CNOT1: variants seen among roughly 807,000 people sequenced by gnomAD.
The protein encoded by CNOT1 is CCR4-NOT transcription complex subunit 1, also known as CCR4-associated factor 1.
A neutral mutation model predicts 273.8 loss-of-function variants in CNOT1; 15 were observed. The observed-to-expected ratio is 0.05, with a 90% CI of 0.04 to 0.08. The LOEUF is 0.08. Ranked by LOEUF, CNOT1 falls within the 10% of genes least tolerant of loss-of-function variation. The pLI is 1.00. For synonymous variants in CNOT1, 1,022 were observed against 1,005.5 expected (o/e 1.02, Z -0.31); for missense variants, 1,644 against 2,912.2 (o/e 0.56, Z 10.02).
At chr16:58,629,639 G>C (rs1296379874) in intron 1 of CNOT1, 89 bp downstream of exon 1, 2 of 152,776 alleles carry the variant, frequency 1.3e-5, no homozygotes, top group African/African-American at 4.8e-5. Flanking sequence ...GTGGCCCCAG[G>C]TCCACCCCTG....
chr16:58,606,540 C>T (rs117153988), intron 1 of CNOT1, among the ~76,000 whole-genome samples: 1,697 of 152,276 alleles, frequency 0.011, 15 homozygotes, highest in Non-Finnish European at 0.016. Flanking sequence ...CACCGGCTCA[C>T]GCCTGTAATC....
At chr16:58,616,990 T>C (rs535794096) in intron 1 of CNOT1, among the ~76,000 whole-genome samples, 13 of 152,316 alleles carry the variant, frequency 8.5e-5, no homozygotes, top group Non-Finnish European at 1.8e-4. Context: ...AGAGCAGTAG[T>C]ATCTCCAAAA....
At chr16:58,619,100 C>CT (rs1331839001) in intron 1 of CNOT1, among the ~76,000 whole-genome samples, 1 of 151,990 alleles carries the variant, frequency 6.6e-6, no homozygotes, top group Non-Finnish European at 1.5e-5. Flanking sequence ...ACTGGGGAGA[C>CT]TGAGGTGGGA....
At chr16:58,599,999 G>A (rs1254949701) in intron 1 of CNOT1, among the ~76,000 whole-genome samples, 1 of 151,736 alleles carries the variant, frequency 6.6e-6, no homozygotes, top group Non-Finnish European at 1.5e-5. Context: ...GGAGGCAGAG[G>A]GTGCAGTCAG....
At position 58,520,715 on chromosome 16, in the gene CNOT1, C is replaced by T. The variant is rs2039339662; in HGVS notation, c.*243G>A. The T allele has an allele frequency of 5.6e-6, 3 of 532,194 alleles. No homozygotes were observed. The highest frequency in any genetic ancestry group is 6.3e-5 in the East Asian group (2 of 31,650). 33.0% of individuals were successfully genotyped at this position (532,194 alleles called of 1,614,324 possible). On this transcript the variant is annotated 3_prime_UTR_variant, in exon 49 of 49. Transcript: ENST00000317147. ...AAAGGTTTTCTCTTTCATGTATTTACACAAGTTCAAAATGATATTCACAGC... is the reference window on the plus strand; with the variant it reads ...AAAGGTTTTCTCTTTCATGTATTTATACAAGTTCAAAATGATATTCACAGC...
chr16:58,579,339 G>A (rs11860087), intron 12 of CNOT1, among the ~76,000 whole-genome samples: 35,193 of 152,022 alleles, frequency 0.23, 4,461 homozygotes, highest in African/African-American at 0.34. Context: ...TATGGACTGC[G>A]TCTGGATTCT....
At chr16:58,570,281 G>T (rs1157434202) in intron 16 of CNOT1, among the ~76,000 whole-genome samples, 3 of 152,118 alleles carry the variant, frequency 2.0e-5, no homozygotes, top group African/African-American at 7.2e-5. Context: ...ACCTGAATCC[G>T]TATGAAAAAC....
chr16:58,599,538 ATC>A, intron 1 of CNOT1, 27 bp from the exon 2 acceptor site: 1 of 587,560 alleles, frequency 1.7e-6, no homozygotes, highest in South Asian at 3.3e-5. Context: ...ACACACACAA[ATC>A]CAGATTTTTA....
rs565131630 is a variant in CNOT1 at position 58,551,092 on chromosome 16, G to T, written c.3342+40C>A. On this transcript the variant is annotated intron_variant, in intron 24 of 48. Transcript: ENST00000317147. ...ACTATACATCCTTTAGTCCATTAAG[G>T]AAAAAAGAAGGCATTTATAAACTAT... 3 of 1,598,600 alleles carry T rather than the reference G, an allele frequency of 1.9e-6. No individual in the cohort carries two copies. In the South Asian group the frequency reaches 3.4e-5, roughly 18 times the overall value.
chr16:58,521,857 A>G (rs992277449), intron 47 of CNOT1, among the ~76,000 whole-genome samples: 1 of 152,192 alleles, frequency 6.6e-6, no homozygotes, highest in African/African-American at 2.4e-5. Flanking sequence ...ACGCTGAGGC[A>G]GGAGAATCGC....
rs146199996 is a variant in CNOT1 at position 58,532,024 on chromosome 16, G to A, written c.6111C>T (p.Ala2037=). ...RPTKAPGFVY[A]WLELISHRIF... The stretch of plus-strand genomic sequence containing the variant: ...TCCGATGGGAAATCAGTTCAAGCCA[G>A]GCATATACAAAGCCAGGAGCTTTGG... The change falls in exon 42 of 49, where the codon GCC becomes GCT. Residue 2037 remains alanine, a synonymous_variant. Transcript: ENST00000317147. 3.1e-5 allele frequency: 50 copies of A among 1,614,036 alleles called. No homozygotes were observed. The highest frequency in any genetic ancestry group is 4.1e-5 in the Non-Finnish European group (48 of 1,180,046).
At chr16:58,589,406 G>A (rs943205730) in intron 2 of CNOT1, among the ~76,000 whole-genome samples, 4 of 152,042 alleles carry the variant, frequency 2.6e-5, no homozygotes, top group Non-Finnish European at 4.4e-5. Context: ...CCAGCTACTC[G>A]CGAGGCTGAG....
chr16:58,571,942 C>A (rs956877961), intron 16 of CNOT1, among the ~76,000 whole-genome samples: 1 of 152,020 alleles, frequency 6.6e-6, no homozygotes, highest in Non-Finnish European at 1.5e-5. Context: ...GCACACCAGC[C>A]TGGGGGACAG....
At chr16:58,530,406 A>G in intron 42 of CNOT1, 59 bp from the exon 43 acceptor site, 1 of 1,263,496 alleles carries the variant, frequency 7.9e-7, no homozygotes, top group Non-Finnish European at 1.1e-6. Context: ...CAGCCACTAC[A>G]AGTCGCCCAA....
chr16:58,549,118 G>A lies in CNOT1; in HGVS notation c.3522+601C>T, dbSNP rs189257239. ...AGCCTGGCCAATATGATTAAACCCC[G>A]TCTCTACTAAAAATATAAAAATTAG... On this transcript the variant is annotated intron_variant, in intron 25 of 48. Transcript: ENST00000317147. Among the ~76,000 whole-genome samples the A allele has an allele frequency of 1.6e-3, 250 of 152,022 alleles. 1 individual carries two copies. The highest frequency in any genetic ancestry group is 5.6e-3 in the African/African-American group (234 of 41,486).
intron 1 of CNOT1, among the ~76,000 whole-genome samples, chr16:58,627,069 T>C (rs192475556): frequency 2.0e-4 from 30 of 152,192 alleles, no homozygotes; most frequent in East Asian, 7.7e-4. Context: ...TGTTTGTTAT[T>C]ACACAGAAAG....
Position 58,521,251 on chromosome 16 carries a change from C to T in CNOT1, c.6984G>A (p.Glu2328=). The change falls in exon 48 of 49, where the codon GAG becomes GAA. Residue 2328 remains glutamate, a synonymous_variant. Coordinates refer to ENST00000317147, the MANE Select transcript of CNOT1 (RefSeq NM_016284.5). ...ACTTAAACGCTGGGTTTTTAATCAG[C>T]TCAATGAAGGTAATAAGAAGACCCC... is the stretch of plus-strand genomic sequence containing the variant. ...HPWGLLITFI[E]LIKNPAFKFW... is the part of the protein sequence containing the mutation. 6.2e-7 allele frequency: 1 copy of T among 1,614,094 alleles called. No individual in the cohort carries two copies. Among genetic ancestry groups the T allele is most frequent in the African/African-American group, 1.3e-5 (1 of 75,026 alleles).
intron 1 of CNOT1, among the ~76,000 whole-genome samples, chr16:58,624,431 T>C (rs1352221413): frequency 1.3e-5 from 2 of 152,186 alleles, no homozygotes; most frequent in Non-Finnish European, 2.9e-5. Flanking sequence ...AAGCAACAGG[T>C]ATGCTGGAGG....
In CNOT1 at chr16:58,581,719, T is replaced by C. The variant is rs1370372310; in HGVS notation, c.1045-204A>G. Among the ~76,000 whole-genome samples, 5 of 152,138 alleles carry C rather than the reference T, an allele frequency of 3.3e-5. No individual in the cohort carries two copies. In the East Asian group the frequency reaches 5.8e-4, roughly 18 times the overall value. ...CTCCGTTGCTCAGGCTGCAGTGCAGTGGCATGATCTCAGCTCACTGAAACC... is the reference window on the plus strand; with the variant it reads ...CTCCGTTGCTCAGGCTGCAGTGCAGCGGCATGATCTCAGCTCACTGAAACC... On this transcript the variant is annotated intron_variant, in intron 10 of 48. Transcript: ENST00000317147.
Sources: gnomAD v4.1 joint callset for allele counts (sites outside exome capture counted in the v4.1 genomes callset) on GRCh38, gnomAD v4.1.1 for gene constraint, MANE v1.5 for transcripts, NCBI Gene and HGNC (gene_info 2026-07-23, HGNC 2026-07-21) for gene names.